The following OPRK1 variants were observed in gnomAD, a reference collection of about 807,000 sequenced individuals.
The protein encoded by OPRK1 is kappa-type opioid receptor.
OPRK1 carries 15 observed loss-of-function variants against 24.5 expected under a neutral mutation model. The ratio of observed to expected loss-of-function variants is 0.61; its 90% CI spans 0.41 to 0.94. The LOEUF (loss-of-function observed/expected upper bound fraction) is 0.94, where lower values mean the gene tolerates loss of function less well. Among genes scored for constraint, OPRK1 ranks in the 40% least tolerant of loss-of-function variants. The pLI is 0.00. For synonymous variants in OPRK1, 205 were observed against 198.0 expected, an observed-to-expected ratio of 1.04 and a Z score of -0.30; for missense variants, 479 against 507.3, an observed-to-expected ratio of 0.94 and a Z score of 0.54.
chr8:53,241,570 G>GA (rs1303309499), intron 2 of OPRK1, among the ~76,000 whole-genome samples: 1 of 151,928 alleles, frequency 6.6e-6, no homozygotes, highest in Non-Finnish European at 1.5e-5. Context: ...AGAAAGAAAG[G>GA]AAAAATGGAA....
In OPRK1 at chr8:53,244,051, G is replaced by T. The variant is rs151304982; in HGVS notation, c.257+6730C>A. Among the ~76,000 whole-genome samples, 933 of 152,300 alleles carry T rather than the reference G, an allele frequency of 6.1e-3. 9 individuals are homozygous for T. The highest frequency in any genetic ancestry group is 8.5e-3 in the Non-Finnish European group (576 of 68,022). On this transcript the variant is annotated intron_variant, in intron 2 of 3. Transcript: ENST00000265572. ...CACATACTTCAATGATGGAGAAGAA[G>T]AAACTTGGGAGAGAAGAGGCAGGCA... is the stretch of plus-strand genomic sequence containing the variant.
In OPRK1 at chr8:53,251,081, C is replaced by A. The variant is rs1807383189; in HGVS notation, c.-44G>T. On this transcript the variant is annotated 5_prime_UTR_variant, in exon 2 of 4. Coordinates refer to ENST00000265572, the MANE Select transcript of OPRK1 (RefSeq NM_000912.5). ...GGAAGGCGAGGACAGGCGGCACCTG[C>A]GGCGCTGCGGGAGCGAAAGAACCGG... The A allele has an allele frequency of 5.5e-6, 8 of 1,445,428 alleles. No individual in the cohort carries two copies. In the East Asian group the frequency reaches 1.8e-4, roughly 33 times the overall value. 89.5% of individuals were successfully genotyped at this position (1,445,428 alleles called of 1,614,324 possible). A position where few individuals can be genotyped will look rare whatever the true frequency, so the allele number is the denominator to read the frequency against.
At chr8:53,241,237 G>A (rs1330548795) in intron 2 of OPRK1, among the ~76,000 whole-genome samples, 2 of 152,204 alleles carry the variant, frequency 1.3e-5, no homozygotes, top group Non-Finnish European at 2.9e-5. Flanking sequence ...TGATGACCGT[G>A]CTGACGTGAC....
chr8:53,247,989 T>C, intron 2 of OPRK1, among the ~76,000 whole-genome samples: 1 of 44,620 alleles, frequency 2.2e-5, no homozygotes, highest in Non-Finnish European at 3.5e-5. Context: ...AGATTCTGTC[T>C]CAAAAAAAAA....
intron 2 of OPRK1, among the ~76,000 whole-genome samples, chr8:53,249,969 G>A (rs1807329960): frequency 6.6e-6 from 1 of 151,902 alleles, no homozygotes; most frequent in Admixed American, 6.6e-5. Flanking sequence ...TCCTTTTCTT[G>A]TTTTTCTTTC....
chr8:53,247,928 T>C (rs576608675), intron 2 of OPRK1, among the ~76,000 whole-genome samples: 20 of 139,640 alleles, frequency 1.4e-4, no homozygotes, highest in African/African-American at 5.3e-4. Context: ...GAGGCAGAGG[T>C]TGCAATGAGC....
chr8:53,232,040 A>G (rs781620834), intron 3 of OPRK1, among the ~76,000 whole-genome samples: 3 of 152,224 alleles, frequency 2.0e-5, no homozygotes. Flanking sequence ...AGAAATGTCA[A>G]TGAAGCTGAA....
rs200070768 is a variant in OPRK1, at chr8:53,228,532, T to G, written c.*765A>C. On this transcript the variant is annotated 3_prime_UTR_variant, in exon 4 of 4. Coordinates refer to ENST00000265572, the MANE Select transcript of OPRK1 (RefSeq NM_000912.5). Reference sequence around the variant, plus strand: ...ACTATTATTTACAGAAGATACTATATATATATTTTCAGTGGTATTCACACC... The same window carrying G: ...ACTATTATTTACAGAAGATACTATAGATATATTTTCAGTGGTATTCACACC... 6.6e-6 allele frequency: 1 copy of G among 152,164 alleles called. No individual in the cohort carries two copies. Among genetic ancestry groups the G allele is most frequent in the East Asian group, 1.9e-4 (1 of 5,192 alleles). 9.4% of individuals were successfully genotyped at this position (152,164 alleles called of 1,614,324 possible). A position where few individuals can be genotyped will look rare whatever the true frequency, so the allele number is the denominator to read the frequency against.
chr8:53,237,365 A>G (rs1161432220), intron 2 of OPRK1, among the ~76,000 whole-genome samples: 5 of 151,756 alleles, frequency 3.3e-5, no homozygotes, highest in South Asian at 2.1e-4. Context: ...GCTTGATTTT[A>G]GTTTTTCAAA....
At chr8:53,247,890 C>T (rs73589394) in intron 2 of OPRK1, among the ~76,000 whole-genome samples, 15,039 of 144,476 alleles carry the variant, frequency 0.1, 811 homozygotes, top group South Asian at 0.19. Context: ...ACTTGGGAGG[C>T]TGAGGTGAGA....
In OPRK1 at chr8:53,235,021, A is replaced by G. The variant is rs1017844998; in HGVS notation, c.348T>C (p.Ser116=). The G allele has an allele frequency of 3.1e-6, 5 of 1,614,086 alleles. No homozygotes were observed. The African/African-American group carries it at 5.3e-5, about 17-fold the overall frequency. ...GCCAGGAATTCATCAAGTAGACCGTACTCTGAAAGGGCATGGTTGTAGTAA... is the reference window on the plus strand; with the variant it reads ...GCCAGGAATTCATCAAGTAGACCGTGCTCTGAAAGGGCATGGTTGTAGTAA... ...ALVTTTMPFQ[S]TVYLMNSWPF... The change falls in exon 3 of 4, where the codon AGT becomes AGC. Residue 116 remains serine, a synonymous_variant. Coordinates refer to ENST00000265572, the MANE Select transcript of OPRK1 (RefSeq NM_000912.5).
intron 2 of OPRK1, among the ~76,000 whole-genome samples, chr8:53,239,327 T>C (rs1434540756): frequency 6.6e-6 from 1 of 152,220 alleles, no homozygotes; most frequent in East Asian, 1.9e-4. Context: ...TAGGAATACA[T>C]GGAAGAGAAA....
Position 53,225,886 on chromosome 8 carries a change from C to G in OPRK1, c.*3411G>C, listed in dbSNP as rs1806669305. 1 of 152,494 alleles carries G rather than the reference C, an allele frequency of 6.6e-6. No homozygotes were observed. Among genetic ancestry groups the G allele is most frequent in the Admixed American group, 6.5e-5 (1 of 15,276 alleles). The allele number at this position is 152,494 out of a possible 1,614,324, so 9.4% of individuals were successfully genotyped here. ...AGAGAAGAAAATTGCCTTAAGGAAG[C>G]TGGGTTATACCGTTTTTGGATGTGA... On this transcript the variant is annotated 3_prime_UTR_variant, in exon 4 of 4. Transcript: ENST00000265572.
At chr8:53,251,312 C>A (rs943215947) in intron 1 of OPRK1, 136 bp downstream of exon 1, 6 of 506,350 alleles carry the variant, frequency 1.2e-5, no homozygotes, top group Non-Finnish European at 2.0e-5. Context: ...CCCTGAGGTG[C>A]CTCCCTCACC....
intron 3 of OPRK1, among the ~76,000 whole-genome samples, chr8:53,234,199 A>AAAG (rs1197745860): frequency 6.6e-6 from 1 of 151,260 alleles, no homozygotes; most frequent in Non-Finnish European, 1.5e-5. Context: ...AAAAAAAAAA[A>AAAG]AAAATCAGTT....
At chr8:53,231,806 T>A (rs1220941817) in intron 3 of OPRK1, among the ~76,000 whole-genome samples, 1 of 152,146 alleles carries the variant, frequency 6.6e-6, no homozygotes. Context: ...CAGTAGTTAT[T>A]ATGGAAAAGT....
rs767888408 is a variant in OPRK1 at position 53,250,876 on chromosome 8, G to T, written c.162C>A (p.Ile54=). 1.7e-5 allele frequency: 27 copies of T among 1,613,206 alleles called. No individual in the cohort carries two copies. In the South Asian group the frequency reaches 3.0e-4, roughly 18 times the overall value. ...TGATGATGACCGGGATGGCCGGGGAGATGTGCGCGGGCTCCAGCTGCGCGT... is the reference window on the plus strand; with the variant it reads ...TGATGATGACCGGGATGGCCGGGGATATGTGCGCGGGCTCCAGCTGCGCGT... ...SEDAQLEPAH[I]SPAIPVIITA... is the part of the protein sequence containing the mutation. The change falls in exon 2 of 4, where the codon ATC becomes ATA. Residue 54 remains isoleucine, a synonymous_variant. Transcript: ENST00000265572.
At chr8:53,232,967 G>C (rs1314373049) in intron 3 of OPRK1, among the ~76,000 whole-genome samples, 1 of 152,182 alleles carries the variant, frequency 6.6e-6, no homozygotes, top group African/African-American at 2.4e-5. Flanking sequence ...CCTCAGAAAA[G>C]TTTCTTGCAC....
chr8:53,226,992 TCACATCTGTAATC>T lies in OPRK1; in HGVS notation c.*2292_*2304del, dbSNP rs961670400. ...AAGGAAACAGGCCAGGCGTGGCCAT[TCACATCTGTAATC>T]CCAGCACTTTGGGAGGCCGAGGCAG... On this transcript the variant is annotated 3_prime_UTR_variant, in exon 4 of 4. Transcript: ENST00000265572. The T allele has an allele frequency of 7.9e-5, 12 of 152,360 alleles. No homozygotes were observed. Among genetic ancestry groups the T allele is most frequent in the South Asian group, 6.2e-4 (3 of 4,826 alleles). The allele number at this position is 152,360 out of a possible 1,614,324, so 9.4% of individuals were successfully genotyped here. A position where few individuals can be genotyped will look rare whatever the true frequency, so the allele number is the denominator to read the frequency against.
Sources: gnomAD v4.1 joint callset for allele counts (sites outside exome capture counted in the v4.1 genomes callset) on GRCh38, gnomAD v4.1.1 for gene constraint, MANE v1.5 for transcripts, NCBI Gene and HGNC (gene_info 2026-07-23, HGNC 2026-07-21) for gene names.